The following PTPRD variants were observed in gnomAD, a reference collection of about 807,000 sequenced individuals.
PTPRD encodes protein tyrosine phosphatase receptor type D.
PTPRD carries 34 observed loss-of-function variants against 214.5 expected under a neutral mutation model. The ratio of observed to expected loss-of-function variants is 0.16; its 90% CI spans 0.12 to 0.21. The LOEUF (loss-of-function observed/expected upper bound fraction) is 0.21, where lower values mean the gene tolerates loss of function less well. Among genes scored for constraint, PTPRD ranks in the 10% least tolerant of loss-of-function variants. PTPRD has a pLI of 1.00. For missense variants in PTPRD, 2,545 were observed against 2,398.7 expected (o/e 1.06, Z -1.27); for synonymous variants, 1,128 against 845.7 (o/e 1.33, Z -5.79).
chr9:9,693,264 G>C (rs903702474), intron 7 of PTPRD, among the ~76,000 whole-genome samples: 7 of 152,080 alleles, frequency 4.6e-5, no homozygotes, highest in African/African-American at 1.2e-4. Flanking sequence ...CCTGTGTTTA[G>C]GGAGGAATCT....
rs143705582 is a variant in PTPRD, at chr9:9,334,731, A to C, written c.-203+62718T>G. On this transcript the variant is annotated intron_variant, in intron 9 of 45. Transcript: ENST00000381196. ...CTGGTACACAGAAAGCATTTAATAC[A>C]TATTAGTGTCTATTATTATCATGAT... is the stretch of plus-strand genomic sequence containing the variant. Among the ~76,000 whole-genome samples the C allele has an allele frequency of 2.8e-3, 426 of 151,994 alleles. 5 individuals carry two copies. The highest frequency in any genetic ancestry group is 9.8e-3 in the African/African-American group (408 of 41,524).
At chr9:9,493,515 A>G (rs1248151851) in intron 8 of PTPRD, among the ~76,000 whole-genome samples, 1 of 152,102 alleles carries the variant, frequency 6.6e-6, no homozygotes, top group Non-Finnish European at 1.5e-5. Flanking sequence ...GTGTCCGGGT[A>G]GGGTGGCTCA....
At chr9:8,833,195 T>C (rs1266825459) in intron 11 of PTPRD, among the ~76,000 whole-genome samples, 3 of 152,094 alleles carry the variant, frequency 2.0e-5, no homozygotes, top group African/African-American at 7.2e-5. Flanking sequence ...TTCTGACTCA[T>C]TGTATAGGAA....
At chr9:8,600,196 T>C (rs993489948) in intron 14 of PTPRD, among the ~76,000 whole-genome samples, 1 of 152,096 alleles carries the variant, frequency 6.6e-6, no homozygotes, top group African/African-American at 2.4e-5. Flanking sequence ...CACCTGCCCA[T>C]GGAGGGGGCA....
At chr9:10,161,044 A>G (rs771785411) in intron 3 of PTPRD, among the ~76,000 whole-genome samples, 27 of 151,968 alleles carry the variant, frequency 1.8e-4, no homozygotes, top group Non-Finnish European at 3.5e-4. Flanking sequence ...GAAAACTACA[A>G]AATACTGATG....
chr9:10,204,008 C>A (rs901555178), intron 3 of PTPRD, among the ~76,000 whole-genome samples: 1 of 152,104 alleles, frequency 6.6e-6, no homozygotes, highest in Non-Finnish European at 1.5e-5. Flanking sequence ...TTTTCCCTCC[C>A]CCACTCCCCA....
chr9:8,636,664 C>G (rs2154327715), intron 13 of PTPRD, 35 bp downstream of exon 13: 1 of 1,608,696 alleles, frequency 6.2e-7, no homozygotes, highest in Non-Finnish European at 8.5e-7. Context: ...CAGATACATT[C>G]TTCCCCCAGA....
chr9:8,636,818 C>T lies in PTPRD; in HGVS notation c.91G>A (p.Val31Ile), dbSNP rs146973770. 112 of 1,613,814 alleles carry T rather than the reference C, an allele frequency of 6.9e-5. No individual in the cohort carries two copies. In the Admixed American group the frequency reaches 1.5e-3, roughly 21 times the overall value. ...CCGCCAGAGACCCCTGTCTGATCAA[C>T]GGGTGTTCGTGTAAACCTTGGAGGT... ...ETPPRFTRTP[V>I]DQTGVSGGVA... is the part of the protein sequence containing the mutation. The change falls in exon 13 of 46, where the codon GTT becomes ATT. Residue 31 changes from valine to isoleucine, a missense_variant. Val to Ile is a conservative substitution (Grantham distance 29). Coordinates refer to ENST00000381196, the MANE Select transcript of PTPRD (RefSeq NM_002839.4).
At chr9:10,391,036 G>T (rs2098051713) in intron 2 of PTPRD, among the ~76,000 whole-genome samples, 1 of 151,826 alleles carries the variant, frequency 6.6e-6, no homozygotes, top group Non-Finnish European at 1.5e-5. Context: ...GAACTGTGCA[G>T]TGTCTCACTA....
At chr9:9,009,568 A>G (rs2099499323) in intron 11 of PTPRD, among the ~76,000 whole-genome samples, 1 of 152,012 alleles carries the variant, frequency 6.6e-6, no homozygotes, top group Non-Finnish European at 1.5e-5. Flanking sequence ...GCAAGTTGGT[A>G]TGGAGAAAAA....
intron 9 of PTPRD, among the ~76,000 whole-genome samples, chr9:9,325,871 A>G (rs1285867446): frequency 1.3e-5 from 2 of 152,200 alleles, no homozygotes. Flanking sequence ...TGTTCCATCA[A>G]TACTTAGTTT....
intron 11 of PTPRD, among the ~76,000 whole-genome samples, chr9:8,785,565 G>A (rs1261458653): frequency 6.6e-6 from 1 of 152,152 alleles, no homozygotes; most frequent in Non-Finnish European, 1.5e-5. Context: ...CCATATTAAA[G>A]ACCATCAGCT....
At chr9:8,406,379 C>T (rs939907625) in intron 35 of PTPRD, among the ~76,000 whole-genome samples, 6 of 152,142 alleles carry the variant, frequency 3.9e-5, no homozygotes, top group Admixed American at 2.0e-4. Flanking sequence ...TTCCTACATC[C>T]GGAACATTGG....
At chr9:10,590,526 T>G (rs1029644784) in intron 2 of PTPRD, among the ~76,000 whole-genome samples, 5 of 152,076 alleles carry the variant, frequency 3.3e-5, no homozygotes, top group Non-Finnish European at 7.4e-5. Flanking sequence ...CTATAAATTC[T>G]AATATTCTGT....
chr9:8,652,667 T>C lies in PTPRD; in HGVS notation c.65-15823A>G, dbSNP rs74623507. On this transcript the variant is annotated intron_variant, in intron 12 of 45. Coordinates refer to ENST00000381196, the MANE Select transcript of PTPRD (RefSeq NM_002839.4). ...TAGGGATTCCACTTGTATAATAACA[T>C]TGGCCTTTTTGCACCACTCTAAAAT... 1.2e-4 allele frequency among the ~76,000 whole-genome samples: 19 copies of C among 152,336 alleles called. No homozygotes were observed. In the East Asian group the frequency reaches 3.3e-3, roughly 26 times the overall value.
intron 3 of PTPRD, among the ~76,000 whole-genome samples, chr9:10,253,721 C>T (rs1343270888): frequency 2.0e-5 from 3 of 151,990 alleles, no homozygotes; most frequent in Non-Finnish European, 4.4e-5. Context: ...AAGTTTACTG[C>T]ATTAAATACA....
At chr9:8,420,998 G>C (rs1269681080) in intron 35 of PTPRD, among the ~76,000 whole-genome samples, 1 of 151,998 alleles carries the variant, frequency 6.6e-6, no homozygotes, top group African/African-American at 2.4e-5. Flanking sequence ...GGTCCACCAA[G>C]GAAAGCCAAA....
At chr9:9,788,358 T>C (rs2098941456) in intron 5 of PTPRD, among the ~76,000 whole-genome samples, 1 of 151,074 alleles carries the variant, frequency 6.6e-6, no homozygotes, top group African/African-American at 2.4e-5. Context: ...GAGACCATCC[T>C]GACTAACACG....
intron 8 of PTPRD, among the ~76,000 whole-genome samples, chr9:9,557,846 G>GA (rs1470314384): frequency 1.3e-5 from 2 of 152,190 alleles, no homozygotes; most frequent in Non-Finnish European, 2.9e-5. Context: ...TGGATGGGCA[G>GA]AAAGAACACT....
Sources: gnomAD v4.1 joint callset for allele counts (sites outside exome capture counted in the v4.1 genomes callset) on GRCh38, gnomAD v4.1.1 for gene constraint, MANE v1.5 for transcripts, NCBI Gene and HGNC (gene_info 2026-07-23, HGNC 2026-07-21) for gene names.